Variants in STK3 observed in about 807,000 individuals in gnomAD.
The protein encoded by STK3 is serine/threonine kinase 3, also known as serine/threonine-protein kinase 3.
A neutral mutation model predicts 58.0 loss-of-function variants in STK3; 41 were observed. The observed-to-expected ratio is 0.71, with a 90% CI of 0.55 to 0.92. The LOEUF (loss-of-function observed/expected upper bound fraction) is 0.92, where lower values mean the gene tolerates loss of function less well. Among genes scored for constraint, STK3 ranks in the 40% least tolerant of loss-of-function variants. The probability of loss-of-function intolerance (pLI) is 0.00; values close to 1 mark genes in which losing one functional copy is unlikely to be tolerated. For synonymous variants in STK3, 170 were observed against 191.0 expected, an observed-to-expected ratio of 0.89 and a Z score of 0.91; for missense variants, 479 against 602.7, an observed-to-expected ratio of 0.79 and a Z score of 2.15.
chr8:98,596,061 G>A lies in STK3; in HGVS notation c.793C>T (p.Gln265Ter). 6.2e-7 allele frequency: 1 copy of A among 1,613,404 alleles called. No individual in the cohort carries two copies. The highest frequency in any genetic ancestry group is 8.5e-7 in the Non-Finnish European group (1 of 1,179,632). Residue 265 changes from glutamine to a stop codon, truncating the protein, a stop_gained, in exon 7 of 11, where the codon CAG (glutamine) becomes TAG (stop). Coordinates refer to ENST00000419617, the MANE Select transcript of STK3 (RefSeq NM_006281.4). LOFTEE classifies it high-confidence loss of function. ...VKKCLVKNPE[Q>*]RATATQLLQH... ...AAAAGTTGTGTTGCAGTAGCTCTCT[G>A]CTCAGGATTCTTCACCAAACACTTT...
intron 4 of STK3, among the ~76,000 whole-genome samples, chr8:98,714,885 T>G (rs1233909609): frequency 1.3e-5 from 2 of 152,128 alleles, no homozygotes; most frequent in East Asian, 3.9e-4. Context: ...TCAAATACAC[T>G]ACAAGGCTAT....
intron 1 of STK3, among the ~76,000 whole-genome samples, chr8:98,791,136 A>G (rs1046647121): frequency 5.3e-5 from 8 of 152,246 alleles, no homozygotes; most frequent in African/African-American, 1.9e-4. Context: ...CAGATACAAC[A>G]TTAATGTACA....
intron 1 of STK3, among the ~76,000 whole-genome samples, chr8:98,781,338 T>G (rs891675245): frequency 6.6e-6 from 1 of 152,158 alleles, no homozygotes; most frequent in African/African-American, 2.4e-5. Flanking sequence ...AAGGGAGCTA[T>G]GCAGGGAAAA....
At chr8:98,803,525 C>T (rs1374218128) in intron 1 of STK3, among the ~76,000 whole-genome samples, 1 of 141,494 alleles carries the variant, frequency 7.1e-6, no homozygotes, top group Non-Finnish European at 1.5e-5. Context: ...ACCCAGGAGG[C>T]GGAGCTTGCA....
intron 6 of STK3, among the ~76,000 whole-genome samples, chr8:98,701,400 T>C (rs910476886): frequency 3.3e-5 from 5 of 152,032 alleles, no homozygotes; most frequent in Non-Finnish European, 7.4e-5. Context: ...GGTGGATCAC[T>C]TGAGGTCAGG....
chr8:98,601,223 G>A (rs1209772148), intron 6 of STK3, among the ~76,000 whole-genome samples: 2 of 151,860 alleles, frequency 1.3e-5, no homozygotes, highest in Non-Finnish European at 2.9e-5. Flanking sequence ...AATTATACTC[G>A]CAATTGCAAA....
intron 4 of STK3, among the ~76,000 whole-genome samples, chr8:98,739,444 C>T (rs1466849048): frequency 6.6e-6 from 1 of 150,782 alleles, no homozygotes; most frequent in Non-Finnish European, 1.5e-5. Context: ...CATGAAAATC[C>T]GCTGTTCTGC....
At chr8:98,511,934 G>A (rs1300035581) in intron 10 of STK3, among the ~76,000 whole-genome samples, 1 of 151,896 alleles carries the variant, frequency 6.6e-6, no homozygotes, top group African/African-American at 2.4e-5. Flanking sequence ...AGAAACTGAA[G>A]TGAAAAAAAT....
chr8:98,378,770 T>C (rs1229070785), intron 2 of STK3, among the ~76,000 whole-genome samples: 2 of 152,182 alleles, frequency 1.3e-5, no homozygotes, highest in African/African-American at 4.8e-5. Flanking sequence ...CAAACACCAC[T>C]GATCCAGCAT....
intron 10 of STK3, among the ~76,000 whole-genome samples, chr8:98,491,464 G>A (rs1180750042): frequency 6.6e-6 from 1 of 151,296 alleles, no homozygotes; most frequent in African/African-American, 2.4e-5. Flanking sequence ...GGGCAGGGAC[G>A]AAGTCTCACT....
At chr8:98,350,413 T>A in the STK3 span, among the ~76,000 whole-genome samples, 2 of 152,244 alleles carry the variant, frequency 1.3e-5, no homozygotes, top group African/African-American at 4.8e-5. Flanking sequence ...CACATTTTCC[T>A]GTCTTCTCCT....
At chr8:98,715,390 A>G (rs939036848) in intron 4 of STK3, among the ~76,000 whole-genome samples, 1 of 152,112 alleles carries the variant, frequency 6.6e-6, no homozygotes, top group African/African-American at 2.4e-5. Context: ...TCATCTGACA[A>G]AGGGCTAATA....
rs987049043 is a variant in STK3 at position 98,852,326 on chromosome 8, G to A, written c.110+31321C>T. 7.2e-5 allele frequency among the ~76,000 whole-genome samples: 11 copies of A among 152,010 alleles called. 1 individual carries two copies. The East Asian group carries it at 2.1e-3, about 29-fold the overall frequency. ...TTTTTGCATTTTTAGTAGAGGTGGGGTTTCACCATGTTGTCCAGGCTGGTC... is the reference window on the plus strand; with the variant it reads ...TTTTTGCATTTTTAGTAGAGGTGGGATTTCACCATGTTGTCCAGGCTGGTC... On this transcript the variant is annotated intron_variant, in intron 3 of 12. Transcript: ENST00000523601.
At chr8:98,488,284 A>G (rs958322140) in intron 10 of STK3, among the ~76,000 whole-genome samples, 8 of 152,240 alleles carry the variant, frequency 5.3e-5, no homozygotes, top group African/African-American at 1.9e-4. Context: ...TTGAGATAAA[A>G]CATTGAAAAT....
At chr8:98,897,041 A>C (rs1285714315) in intron 1 of STK3, among the ~76,000 whole-genome samples, 1 of 152,138 alleles carries the variant, frequency 6.6e-6, no homozygotes, top group Non-Finnish European at 1.5e-5. Flanking sequence ...GAAAGAAATA[A>C]GAAAAGCTGT....
rs371222950 is a variant in STK3, at chr8:98,607,808, T to C, written c.685-11639A>G. ...ACCTATGACATCATGGAAACACAGA[T>C]GGTTTTTGATAACAATTATAAAATT... On this transcript the variant is annotated intron_variant, in intron 6 of 10. Transcript: ENST00000419617. Among the ~76,000 whole-genome samples, 5 of 152,242 alleles carry C rather than the reference T, an allele frequency of 3.3e-5. No homozygotes were observed. In the East Asian group the frequency reaches 5.8e-4, roughly 18 times the overall value.
At chr8:98,479,433 G>A (rs909973882) in intron 10 of STK3, among the ~76,000 whole-genome samples, 1 of 138,206 alleles carries the variant, frequency 7.2e-6, no homozygotes, top group Non-Finnish European at 1.5e-5. Flanking sequence ...GTTGCCGTGA[G>A]CCAAGATCCT....
intron 4 of STK3, among the ~76,000 whole-genome samples, chr8:98,733,984 G>A (rs530057985): frequency 4.7e-4 from 72 of 152,266 alleles, no homozygotes; most frequent in Non-Finnish European, 9.8e-4. Flanking sequence ...GGGAGGCCAT[G>A]GAGACTCACA....
rs141116620 is a variant in STK3 at position 98,910,754 on chromosome 8, G to A, written c.-78-26920C>T. 3.7e-3 allele frequency among the ~76,000 whole-genome samples: 568 copies of A among 152,268 alleles called. 2 individuals are homozygous for A. Among genetic ancestry groups the A allele is most frequent in the African/African-American group, 0.013 (541 of 41,550 alleles). On this transcript the variant is annotated intron_variant, in intron 1 of 1. Transcript: ENST00000519420. ...ACAGGAAGTGTTTAACACAGTCTAC[G>A]ACCTGCCTGTGAGAATATCCTTCTT...
Sources: allele counts gnomAD v4.1 joint callset (sites outside exome capture counted in the v4.1 genomes callset), GRCh38; gene constraint gnomAD v4.1.1; transcripts MANE v1.5; gene names NCBI Gene and HGNC (gene_info 2026-07-23, HGNC 2026-07-21).